GPC5: variants seen among roughly 807,000 people sequenced by gnomAD.
GPC5 encodes glypican-5.
Under a neutral mutation model 53.9 loss-of-function variants are expected in GPC5, and 47 were observed. That is an observed-to-expected ratio of 0.87 (90% confidence interval 0.69 to 1.11). The LOEUF (loss-of-function observed/expected upper bound fraction) is 1.11. Among genes scored for constraint, GPC5 ranks in the 50% most tolerant of loss-of-function variants. GPC5 has a pLI of 0.00. For synonymous variants in GPC5, 286 were observed against 263.3 expected (o/e 1.09, Z -0.84); for missense variants, 748 against 713.1 (o/e 1.05, Z -0.56).
chr13:91,892,812 T>C (rs1461606323), intron 5 of GPC5, among the ~76,000 whole-genome samples: 1 of 151,930 alleles, frequency 6.6e-6, no homozygotes, highest in Non-Finnish European at 1.5e-5. Context: ...TGAGTATCTG[T>C]CACTTAATTC....
intron 4 of GPC5, among the ~76,000 whole-genome samples, chr13:91,747,581 C>T (rs1316762908): frequency 6.6e-6 from 1 of 152,106 alleles, no homozygotes; most frequent in Non-Finnish European, 1.5e-5. Flanking sequence ...GTGTAGATAA[C>T]TCCTGTCTGA....
intron 7 of GPC5, among the ~76,000 whole-genome samples, chr13:92,519,120 T>G (rs1442754626): frequency 6.6e-6 from 1 of 151,806 alleles, no homozygotes; most frequent in African/African-American, 2.4e-5. Flanking sequence ...GCACCCAGAT[T>G]CATAAAGCAA....
intron 7 of GPC5, among the ~76,000 whole-genome samples, chr13:92,181,426 C>A (rs927988624): frequency 1.5e-4 from 23 of 152,130 alleles, no homozygotes; most frequent in Non-Finnish European, 2.6e-4. Context: ...AAATTTCCCT[C>A]TTGGTATGCT....
At chr13:92,685,091 T>A (rs1230839138) in intron 7 of GPC5, among the ~76,000 whole-genome samples, 2 of 151,806 alleles carry the variant, frequency 1.3e-5, no homozygotes, top group Non-Finnish European at 2.9e-5. Flanking sequence ...GTAGTTCTAT[T>A]TATTTATTTA....
intron 2 of GPC5, among the ~76,000 whole-genome samples, chr13:91,675,497 G>A (rs1251163704): frequency 6.6e-6 from 1 of 152,130 alleles, no homozygotes; most frequent in Non-Finnish European, 1.5e-5. Context: ...AGATGAGTAA[G>A]GTATGATCTT....
In GPC5 at chr13:91,693,616, T is replaced by C; in HGVS notation, c.755T>C (p.Leu252Pro). ...LHFSKECSRA[L>P]LKMQYCPHCQ... Reference sequence around the variant, plus strand: ...TTCTCCAAAGAGTGCAGCAGAGCCCTCCTGAAGATGCAATACTGCCCGCAC... The same window carrying C: ...TTCTCCAAAGAGTGCAGCAGAGCCCCCCTGAAGATGCAATACTGCCCGCAC... The change falls in exon 3 of 8, where the codon CTC becomes CCC. Residue 252 changes from leucine (L) to proline (P), a missense_variant. Transcript: ENST00000377067. 1.9e-6 allele frequency: 3 copies of C among 1,614,096 alleles called. No individual in the cohort carries two copies. Among genetic ancestry groups the C allele is most frequent in the Non-Finnish European group, 2.5e-6 (3 of 1,180,002 alleles).
chr13:92,104,643 A>G (rs570172520), intron 6 of GPC5, among the ~76,000 whole-genome samples: 1 of 152,212 alleles, frequency 6.6e-6, no homozygotes, highest in Admixed American at 6.5e-5. Flanking sequence ...TCTTCTGCTG[A>G]TGGGTAGAGT....
At chr13:92,298,140 C>A (rs1487688217) in intron 7 of GPC5, among the ~76,000 whole-genome samples, 1 of 152,284 alleles carries the variant, frequency 6.6e-6, no homozygotes. Context: ...AGCTCCCACA[C>A]AATCCGAAGG....
chr13:91,509,179 C>T (rs1266119055), intron 2 of GPC5, among the ~76,000 whole-genome samples: 3 of 151,856 alleles, frequency 2.0e-5, no homozygotes, highest in South Asian at 4.2e-4. Flanking sequence ...TATTCTAATG[C>T]CCCAAAATTG....
In GPC5 at chr13:92,280,731, G is replaced by C. The variant is rs1034718542; in HGVS notation, c.1561+135742G>C. On this transcript the variant is annotated intron_variant, in intron 7 of 7. Coordinates refer to ENST00000377067, the MANE Select transcript of GPC5 (RefSeq NM_004466.6). ...GTTGGTCCCTATTTTAATATGACTA[G>C]TATTCTTATAAGAAAATATGACGGG... Among the ~76,000 whole-genome samples, 3 of 152,112 alleles carry C rather than the reference G, an allele frequency of 2.0e-5. 1 individual carries two copies. The highest frequency in any genetic ancestry group is 4.1e-4 in the South Asian group (2 of 4,826).
At chr13:92,300,530 CAA>C (rs1566527676) in intron 7 of GPC5, among the ~76,000 whole-genome samples, 1 of 152,108 alleles carries the variant, frequency 6.6e-6, no homozygotes, top group Non-Finnish European at 1.5e-5. Flanking sequence ...TCATTCAACT[CAA>C]ATATCTTTAT....
At chr13:92,848,023 T>A (rs1878668281) in intron 7 of GPC5, among the ~76,000 whole-genome samples, 1 of 152,180 alleles carries the variant, frequency 6.6e-6, no homozygotes, top group Non-Finnish European at 1.5e-5. Flanking sequence ...CGAAGGCGAC[T>A]CCTGAGGACG....
chr13:92,109,004 T>C (rs893146722), intron 6 of GPC5, among the ~76,000 whole-genome samples: 1 of 152,018 alleles, frequency 6.6e-6, no homozygotes, highest in Non-Finnish European at 1.5e-5. Context: ...CTCAAATGTT[T>C]ATCTTGCTGC....
chr13:92,778,885 A>G (rs770727006), intron 7 of GPC5, among the ~76,000 whole-genome samples: 3 of 152,174 alleles, frequency 2.0e-5, no homozygotes, highest in Non-Finnish European at 4.4e-5. Flanking sequence ...GTACCTGCGA[A>G]ATAGAACATG....
intron 7 of GPC5, among the ~76,000 whole-genome samples, chr13:92,418,219 AT>A (rs1366221111): frequency 6.6e-6 from 1 of 152,186 alleles, no homozygotes; most frequent in Non-Finnish European, 1.5e-5. Context: ...GGTGAAAAAA[AT>A]ATGCCAAAAT....
intron 7 of GPC5, among the ~76,000 whole-genome samples, chr13:92,753,417 G>C (rs1874684451): frequency 6.6e-6 from 1 of 152,340 alleles, no homozygotes; most frequent in East Asian, 1.9e-4. Context: ...CTAAAGAGCA[G>C]AGCACCTCTC....
chr13:91,560,682 A>G (rs1318971755), intron 2 of GPC5, among the ~76,000 whole-genome samples: 1 of 152,116 alleles, frequency 6.6e-6, no homozygotes, highest in Admixed American at 6.6e-5. Context: ...AAACATTCCC[A>G]CAAAGAAGAA....
intron 7 of GPC5, among the ~76,000 whole-genome samples, chr13:92,208,632 A>G (rs984110059): frequency 1.3e-5 from 2 of 152,246 alleles, no homozygotes; most frequent in African/African-American, 4.8e-5. Context: ...GCTTTCAGAT[A>G]CAGTTGACTT....
At chr13:91,651,398 C>A (rs779105117) in intron 2 of GPC5, among the ~76,000 whole-genome samples, 6 of 152,128 alleles carry the variant, frequency 3.9e-5, no homozygotes, top group Non-Finnish European at 7.4e-5. Flanking sequence ...ATGTTTAACT[C>A]TATGTGCACT....
Sources: allele counts gnomAD v4.1 joint callset (sites outside exome capture counted in the v4.1 genomes callset), GRCh38; gene constraint gnomAD v4.1.1; transcripts MANE v1.5; gene names NCBI Gene and HGNC (gene_info 2026-07-23, HGNC 2026-07-21).